Variants in NKTR observed in about 807,000 individuals in gnomAD.
NKTR encodes the protein natural killer cell triggering receptor, also known as NK-tumor recognition protein.
Under a neutral mutation model 156.3 loss-of-function variants are expected in NKTR, and 67 were observed. The ratio of observed to expected loss-of-function variants is 0.43; its 90% confidence interval spans 0.35 to 0.53. The LOEUF is 0.53. NKTR is among the 20% of genes least tolerant of loss of function. The pLI, the probability that NKTR is intolerant of heterozygous loss-of-function variation, is 0.01. For missense variants in NKTR, 1,604 were observed against 1,730.9 expected, an observed-to-expected ratio of 0.93 and a Z score of 1.30; for synonymous variants, 640 against 596.6, an observed-to-expected ratio of 1.07 and a Z score of -1.06.
chr3:42,628,794 G>C (rs1207961807), intron 6 of NKTR: 1 of 568,742 alleles, frequency 1.8e-6, no homozygotes, highest in Non-Finnish European at 2.2e-6. Flanking sequence ...CTGAGGTCAG[G>C]AGTTTGAGAC....
At chr3:42,610,167 G>A (rs374421435) in intron 2 of NKTR, among the ~76,000 whole-genome samples, 18 of 151,908 alleles carry the variant, frequency 1.2e-4, no homozygotes, top group African/African-American at 3.6e-4. Flanking sequence ...CACCACACCC[G>A]CTAATTTTGT....
At chr3:42,605,465 A>G (rs773729131) in intron 2 of NKTR, among the ~76,000 whole-genome samples, 7 of 152,250 alleles carry the variant, frequency 4.6e-5, no homozygotes, top group Admixed American at 4.6e-4. Flanking sequence ...AGAGGCGACA[A>G]AGGATTCAGG....
At chr3:42,619,274 G>C in intron 4 of NKTR, 147 bp downstream of exon 4, 3 of 1,441,270 alleles carry the variant, frequency 2.1e-6, no homozygotes, top group Non-Finnish European at 2.7e-6. Context: ...AATATTATAG[G>C]TCCAGAATGT....
chr3:42,608,560 G>A (rs1229757947), intron 2 of NKTR, among the ~76,000 whole-genome samples: 1 of 152,118 alleles, frequency 6.6e-6, no homozygotes, highest in African/African-American at 2.4e-5. Flanking sequence ...TGCCATTTAG[G>A]GGGTTTTGTG....
chr3:42,603,359 CT>C (rs1418476831), intron 2 of NKTR, among the ~76,000 whole-genome samples: 4 of 83,428 alleles, frequency 4.8e-5, no homozygotes, highest in African/African-American at 1.5e-4. Context: ...GATCTTGTTT[CT>C]AAAAAAAAAA....
chr3:42,633,485 T>C (rs1371048592), intron 9 of NKTR, 95 bp from the exon 10 acceptor site: 17 of 1,503,226 alleles, frequency 1.1e-5, no homozygotes, highest in Non-Finnish European at 1.4e-5. Context: ...TAAGCTATCG[T>C]TAATTATGCT....
rs1351659557 is a variant in NKTR, at chr3:42,632,581, T to G, written c.551-20T>G. 2 of 1,505,796 alleles carry G rather than the reference T, an allele frequency of 1.3e-6. No homozygotes were observed. Among genetic ancestry groups the G allele is most frequent in the Non-Finnish European group, 1.8e-6 (2 of 1,095,316 alleles). The allele number at this position is 1,505,796 out of a possible 1,614,324, so 93.3% of individuals were successfully genotyped here. On this transcript the variant is annotated intron_variant, in intron 8 of 16. Coordinates refer to ENST00000232978, the MANE Select transcript of NKTR (RefSeq NM_005385.4). ...GGCACTGAATTTAGTACTAATGTTT[T>G]TATTAATGTTTCTTAAAAGTTTTTG...
At chr3:42,620,373 A>G (rs183706325) in intron 5 of NKTR, 98 of 1,060,130 alleles carry the variant, frequency 9.2e-5, no homozygotes, top group Non-Finnish European at 1.1e-4. Flanking sequence ...TTATTCTCAT[A>G]ATAGTAGCAT....
At position 42,637,858 on chromosome 3, in the gene NKTR, G is replaced by A. The variant is rs2125818461; in HGVS notation, c.2154G>A (p.Arg718=). 4 of 1,613,818 alleles carry A rather than the reference G, an allele frequency of 2.5e-6. No homozygotes were observed. Among genetic ancestry groups the A allele is most frequent in the Non-Finnish European group, 3.4e-6 (4 of 1,179,824 alleles). The stretch of plus-strand genomic sequence containing the variant: ...GTAGTCTAGCTAGTTCACATTCAAG[G>A]TCTAGGTCTCCATCATCTAGATCTC... ...RSRSLASSHS[R]SRSPSSRSHS... Residue 718 remains arginine, a synonymous_variant, in exon 13 of 17, where the codon AGG becomes AGA. Coordinates refer to ENST00000232978, the MANE Select transcript of NKTR (RefSeq NM_005385.4).
intron 7 of NKTR, 178 bp downstream of exon 7, chr3:42,630,753 G>C: frequency 7.1e-7 from 1 of 1,404,066 alleles, no homozygotes; most frequent in African/African-American, 1.5e-5. Context: ...GCTCTCATGT[G>C]ACTGAAGGAG....
chr3:42,612,327 T>C (rs539601591), intron 2 of NKTR: 30 of 152,324 alleles, frequency 2.0e-4, no homozygotes, highest in African/African-American at 7.2e-4. Flanking sequence ...CTTCTCATCC[T>C]GTACCTTTTT....
chr3:42,611,069 A>T (rs1056292732), intron 2 of NKTR: 1 of 152,180 alleles, frequency 6.6e-6, no homozygotes, highest in African/African-American at 2.4e-5. Context: ...GATCAGGATA[A>T]ATAAGTGGTA....
At chr3:42,619,926 C>A in intron 5 of NKTR, 1 of 1,467,184 alleles carries the variant, frequency 6.8e-7, no homozygotes, top group Non-Finnish European at 9.0e-7. Flanking sequence ...TATGGTTAAA[C>A]ATGACTTTCA....
At chr3:42,645,466 T>C (rs754615169) in intron 16 of NKTR, among the ~76,000 whole-genome samples, 11 of 152,022 alleles carry the variant, frequency 7.2e-5, no homozygotes, top group Non-Finnish European at 1.5e-4. Flanking sequence ...AGGTGGATCG[T>C]CTGAGGTCAG....
chr3:42,646,112 C>T lies in NKTR; in HGVS notation c.*137C>T, dbSNP rs1370919865. ...AGACACTTCTTAATTGTTACTGGTT[C>T]ATTTACATGTGGGGAGAAGAATTTA... On this transcript the variant is annotated 3_prime_UTR_variant, in exon 17 of 17. Transcript: ENST00000232978. 2.6e-5 allele frequency: 14 copies of T among 548,218 alleles called. No individual in the cohort carries two copies. The African/African-American group carries it at 2.6e-4, about 10-fold the overall frequency. 34.0% of individuals were successfully genotyped at this position (548,218 alleles called of 1,614,324 possible). A position where few individuals can be genotyped will look rare whatever the true frequency, so the allele number is the denominator to read the frequency against.
intron 13 of NKTR, among the ~76,000 whole-genome samples, chr3:42,641,629 C>T (rs1709892035): frequency 6.6e-6 from 1 of 152,260 alleles, no homozygotes; most frequent in Non-Finnish European, 1.5e-5. Context: ...CCTGTAATCC[C>T]AGTACTTTGG....
intron 6 of NKTR, among the ~76,000 whole-genome samples, chr3:42,621,998 T>C (rs1707948578): frequency 6.6e-6 from 1 of 151,982 alleles, no homozygotes; most frequent in South Asian, 2.1e-4. Flanking sequence ...TATTTTCTGA[T>C]GTTGTATAGA....
intron 14 of NKTR, 93 bp downstream of exon 14, chr3:42,642,689 T>C: frequency 1.2e-6 from 1 of 862,678 alleles, no homozygotes; most frequent in Non-Finnish European, 2.0e-6. Flanking sequence ...AGAAGAATCA[T>C]GTCATTACTG....
chr3:42,617,739 G>T, intron 3 of NKTR, 95 bp downstream of exon 3: 1 of 611,076 alleles, frequency 1.6e-6, no homozygotes, highest in South Asian at 2.1e-5. Flanking sequence ...ATGGACTCGT[G>T]AAATTAGTTT....
Sources: gnomAD v4.1 joint callset for allele counts (sites outside exome capture counted in the v4.1 genomes callset) on GRCh38, gnomAD v4.1.1 for gene constraint, MANE v1.5 for transcripts, NCBI Gene and HGNC (gene_info 2026-07-23, HGNC 2026-07-21) for gene names.